The following EEFSEC variants were observed in gnomAD, a reference collection of about 807,000 sequenced individuals.
EEFSEC encodes the protein eukaryotic elongation factor, selenocysteine-tRNA specific.
In EEFSEC, 43 loss-of-function variants were observed where a neutral mutation model predicts 42.1. That is an observed-to-expected ratio of 1.02 (90% CI 0.80 to 1.32). The LOEUF is 1.32. Among genes scored for constraint, EEFSEC ranks in the 40% most tolerant of loss-of-function variants. The pLI, the probability that EEFSEC is intolerant of heterozygous loss-of-function variation, is 0.00. For missense variants in EEFSEC, 745 were observed against 803.6 expected (o/e 0.93, Z 0.88); for synonymous variants, 354 against 339.1 (o/e 1.04, Z -0.48).
chr3:128,230,998 G>A (rs2065954121), intron 1 of EEFSEC, among the ~76,000 whole-genome samples: 1 of 152,182 alleles, frequency 6.6e-6, no homozygotes, highest in Non-Finnish European at 1.5e-5. Flanking sequence ...AGATCAGGCA[G>A]AGCCAGCATT....
intron 4 of EEFSEC, among the ~76,000 whole-genome samples, chr3:128,313,867 C>T (rs1449607998): frequency 6.6e-6 from 1 of 152,200 alleles, no homozygotes; most frequent in Non-Finnish European, 1.5e-5. Flanking sequence ...CTGACAACCC[C>T]CTGTCTTGGG....
chr3:128,193,946 G>T (rs568200928), intron 1 of EEFSEC, among the ~76,000 whole-genome samples: 71 of 152,240 alleles, frequency 4.7e-4, no homozygotes, highest in Non-Finnish European at 9.4e-4. Context: ...GCTGAGTAGC[G>T]GTTTTCTGTG....
rs968962279 is a variant in EEFSEC, at chr3:128,189,660, C to T, written c.316+35837C>T. On this transcript the variant is annotated intron_variant, in intron 1 of 6. Coordinates refer to ENST00000254730, the MANE Select transcript of EEFSEC (RefSeq NM_021937.5). ...GCAACCTCTGCCGCCTTGCCTCAAGCGATCCTCCCACCTCAGCCTCCTGAG... is the reference window on the plus strand; with the variant it reads ...GCAACCTCTGCCGCCTTGCCTCAAGTGATCCTCCCACCTCAGCCTCCTGAG... 2.6e-4 allele frequency among the ~76,000 whole-genome samples: 39 copies of T among 151,570 alleles called. 1 individual carries two copies. The highest frequency in any genetic ancestry group is 1.0e-4 in the Non-Finnish European group (7 of 67,940).
chr3:128,153,875 CG>C lies in EEFSEC; in HGVS notation c.316+55del, dbSNP rs1233875404. The C allele has an allele frequency of 5.5e-6, 8 of 1,448,040 alleles. No individual in the cohort carries two copies. The East Asian group carries it at 2.2e-4, about 40-fold the overall frequency. The allele number at this position is 1,448,040 out of a possible 1,614,324, so 89.7% of individuals were successfully genotyped here. On this transcript the variant is annotated intron_variant, in intron 1 of 6. Coordinates refer to ENST00000254730, the MANE Select transcript of EEFSEC (RefSeq NM_021937.5). ...GGCTCAGGGACGCGGGCGGAGCGAC[CG>C]GGCCCCGTGTCCGAATTCGCTCGAG...
intron 1 of EEFSEC, among the ~76,000 whole-genome samples, chr3:128,185,643 C>G (rs1052378583): frequency 7.2e-5 from 11 of 152,072 alleles, no homozygotes; most frequent in Non-Finnish European, 1.5e-4. Flanking sequence ...CTCACTGCAG[C>G]CTTGAACTCT....
chr3:128,302,784 A>C (rs1171436167), intron 4 of EEFSEC, among the ~76,000 whole-genome samples: 4 of 152,200 alleles, frequency 2.6e-5, no homozygotes, highest in Non-Finnish European at 5.9e-5. Context: ...GCATATACTC[A>C]CGTATATAAG....
At chr3:128,177,335 T>C (rs952189723) in intron 1 of EEFSEC, among the ~76,000 whole-genome samples, 2 of 152,122 alleles carry the variant, frequency 1.3e-5, no homozygotes, top group African/African-American at 2.4e-5. Flanking sequence ...TTCAGAAAGC[T>C]TTAGATTTTT....
At chr3:128,390,913 C>G (rs903415865) in intron 6 of EEFSEC, among the ~76,000 whole-genome samples, 1 of 152,258 alleles carries the variant, frequency 6.6e-6, no homozygotes, top group Non-Finnish European at 1.5e-5. Flanking sequence ...TCCCAGTGTC[C>G]TCATCCCTCA....
chr3:128,212,748 A>G (rs1471573377), intron 1 of EEFSEC, among the ~76,000 whole-genome samples: 1 of 152,226 alleles, frequency 6.6e-6, no homozygotes, highest in Non-Finnish European at 1.5e-5. Flanking sequence ...TTGAGACAGC[A>G]GAATCAAAAT....
At chr3:128,240,981 T>G (rs2955079) in intron 1 of EEFSEC, among the ~76,000 whole-genome samples, 127,709 of 152,236 alleles carry the variant, frequency 0.84, 54,048 homozygotes, top group East Asian at 0.99. Flanking sequence ...GTGTTCTGAG[T>G]TGGGGACCTC....
intron 4 of EEFSEC, among the ~76,000 whole-genome samples, chr3:128,305,403 G>T (rs1381413576): frequency 6.6e-6 from 1 of 152,034 alleles, no homozygotes; most frequent in Non-Finnish European, 1.5e-5. Context: ...GATTTGGAAG[G>T]TTTTCTCCTT....
At chr3:128,337,524 G>T (rs751853230) in intron 4 of EEFSEC, among the ~76,000 whole-genome samples, 3 of 152,186 alleles carry the variant, frequency 2.0e-5, no homozygotes, top group Non-Finnish European at 2.9e-5. Context: ...CAAGGATCTC[G>T]CTCAAGCCCC....
At chr3:128,312,873 A>G (rs2066905113) in intron 4 of EEFSEC, among the ~76,000 whole-genome samples, 1 of 152,218 alleles carries the variant, frequency 6.6e-6, no homozygotes, top group South Asian at 2.1e-4. Context: ...GCATTACCAT[A>G]TATAGAAAAT....
intron 4 of EEFSEC, among the ~76,000 whole-genome samples, chr3:128,338,057 G>A (rs979275146): frequency 2.0e-5 from 3 of 152,238 alleles, no homozygotes; most frequent in Non-Finnish European, 4.4e-5. Context: ...TACACAAGGT[G>A]CAGCAGATGG....
intron 1 of EEFSEC, among the ~76,000 whole-genome samples, chr3:128,175,375 G>A (rs1360460038): frequency 2.6e-5 from 4 of 152,260 alleles, no homozygotes; most frequent in Non-Finnish European, 4.4e-5. Flanking sequence ...GAGGAATGCT[G>A]TAAAGCAGCT....
the EEFSEC span, among the ~76,000 whole-genome samples, chr3:128,415,639 G>A: frequency 1.3e-5 from 2 of 152,170 alleles, no homozygotes; most frequent in African/African-American, 2.4e-5. Flanking sequence ...TGCCCTCGCC[G>A]CCGGGGCCCA....
intron 1 of EEFSEC, among the ~76,000 whole-genome samples, chr3:128,237,028 G>C (rs1043472638): frequency 2.0e-5 from 3 of 152,260 alleles, no homozygotes; most frequent in Admixed American, 6.5e-5. Context: ...CGTCTGGCAT[G>C]AGGGAGTGTT....
intron 2 of EEFSEC, among the ~76,000 whole-genome samples, chr3:128,255,399 T>G (rs1276670467): frequency 1.3e-5 from 2 of 152,326 alleles, no homozygotes; most frequent in South Asian, 2.1e-4. Flanking sequence ...AGCACTGAGT[T>G]GACCACTGGG....
At chr3:128,337,524 G>A (rs751853230) in intron 4 of EEFSEC, among the ~76,000 whole-genome samples, 41 of 152,186 alleles carry the variant, frequency 2.7e-4, no homozygotes, top group Non-Finnish European at 4.6e-4. Context: ...CAAGGATCTC[G>A]CTCAAGCCCC....
Sources: allele counts gnomAD v4.1 joint callset (sites outside exome capture counted in the v4.1 genomes callset), GRCh38; gene constraint gnomAD v4.1.1; transcripts MANE v1.5; gene names NCBI Gene and HGNC (gene_info 2026-07-23, HGNC 2026-07-21).